The following PPP2R2C variants were observed in gnomAD, a reference collection of about 807,000 sequenced individuals.
PPP2R2C encodes protein phosphatase 2, regulatory subunit B, gamma.
In PPP2R2C, 10 loss-of-function variants were observed where a neutral mutation model predicts 45.3. That is an observed-to-expected ratio of 0.22 (90% confidence interval 0.14 to 0.37). The LOEUF (loss-of-function observed/expected upper bound fraction) is 0.37, where lower values mean the gene tolerates loss of function less well. Among genes scored for constraint, PPP2R2C ranks in the 10% least tolerant of loss-of-function variants. The pLI, the probability that PPP2R2C is intolerant of heterozygous loss-of-function variation, is 1.00. For synonymous variants in PPP2R2C, 257 were observed against 245.4 expected, an observed-to-expected ratio of 1.05 and a Z score of -0.44; for missense variants, 308 against 619.7, an observed-to-expected ratio of 0.50 and a Z score of 5.34.
At position 6,398,476 on chromosome 4, in the gene PPP2R2C, G is replaced by T. The variant is rs1717202188; in HGVS notation, c.71-17382C>A. Reference sequence around the variant, plus strand: ...AGACACTTCCCAAACCAAAATACAAGAATGGTCAGGAAGCACATGGCAAGG... The same window carrying T: ...AGACACTTCCCAAACCAAAATACAATAATGGTCAGGAAGCACATGGCAAGG... On this transcript the variant is annotated intron_variant, in intron 1 of 8. Coordinates refer to ENST00000382599, the MANE Select transcript of PPP2R2C (RefSeq NM_020416.4). Among the ~76,000 whole-genome samples the T allele has an allele frequency of 2.0e-5, 3 of 152,058 alleles. No individual in the cohort carries two copies. The South Asian group carries it at 6.2e-4, about 32-fold the overall frequency.
intron 2 of PPP2R2C, among the ~76,000 whole-genome samples, chr4:6,523,907 GT>G (rs1028807266): frequency 1.3e-5 from 2 of 151,812 alleles, no homozygotes; most frequent in Non-Finnish European, 2.9e-5. Flanking sequence ...ATGAAGTTTT[GT>G]TTTTGTTTTT....
At chr4:6,396,786 G>T (rs10804979) in intron 1 of PPP2R2C, among the ~76,000 whole-genome samples, 42,499 of 152,172 alleles carry the variant, frequency 0.28, 6,547 homozygotes, top group East Asian at 0.74. Context: ...CTGGGAGGGG[G>T]TAGAGAGAAG....
Position 6,552,767 on chromosome 4 carries a change from C to A in PPP2R2C, c.-59+10793G>T, listed in dbSNP as rs569137350. ...TTAGAATGTGGACATCTTTGGGGGG[C>A]ATTATTCTTTCCACTACACTCACAA... On this transcript the variant is annotated intron_variant, in intron 1 of 9. Transcript: ENST00000506140. Among the ~76,000 whole-genome samples the A allele has an allele frequency of 3.3e-5, 5 of 152,246 alleles. No individual in the cohort carries two copies. In the East Asian group the frequency reaches 9.7e-4, roughly 29 times the overall value.
chr4:6,486,730 CTT>C (rs1722541928), intron 2 of PPP2R2C, among the ~76,000 whole-genome samples: 1 of 151,918 alleles, frequency 6.6e-6, no homozygotes, highest in Admixed American at 6.6e-5. Context: ...ACTTTTAACT[CTT>C]GTCTTTATAT....
chr4:6,499,967 C>G (rs917606787), intron 2 of PPP2R2C, among the ~76,000 whole-genome samples: 4 of 152,104 alleles, frequency 2.6e-5, no homozygotes, highest in African/African-American at 9.7e-5. Flanking sequence ...TGATTAGACA[C>G]AGGAATTATT....
chr4:6,381,154 C>T (rs1255045708), intron 1 of PPP2R2C, 60 bp from the exon 2 acceptor site: 1 of 1,552,754 alleles, frequency 6.4e-7, no homozygotes, highest in Non-Finnish European at 8.7e-7. Context: ...CTCCCGGGTG[C>T]TCAACAGTGC....
chr4:6,559,480 C>T (rs1355283772), intron 1 of PPP2R2C, among the ~76,000 whole-genome samples: 1 of 151,910 alleles, frequency 6.6e-6, no homozygotes, highest in Non-Finnish European at 1.5e-5. Flanking sequence ...AAATTTGCAA[C>T]ACGCAGCATC....
intron 6 of PPP2R2C, among the ~76,000 whole-genome samples, chr4:6,341,229 C>T (rs1733418318): frequency 6.6e-6 from 1 of 151,724 alleles, no homozygotes; most frequent in Non-Finnish European, 1.5e-5. Context: ...ATCCCATCTA[C>T]TGAGGAGGCT....
intron 2 of PPP2R2C, among the ~76,000 whole-genome samples, chr4:6,508,077 A>G (rs762258347): frequency 6.6e-6 from 1 of 152,224 alleles, no homozygotes; most frequent in South Asian, 2.1e-4. Context: ...CCTAGGCTAC[A>G]TAGTAAGACC....
In PPP2R2C at chr4:6,378,073, A is replaced by G. The variant is rs1246191079; in HGVS notation, c.334+334T>C. ...CATCACACTCCCTCACCCCAAAGCA[A>G]AGGCCTACAAAGATGGCTCGGATGG... On this transcript the variant is annotated intron_variant, in intron 3 of 8. Transcript: ENST00000382599. This position sits in a 1 kb window ranked among gnomAD's most constrained non-coding sequence, Gnocchi z 5.2. 6.6e-6 allele frequency among the ~76,000 whole-genome samples: 1 copy of G among 152,012 alleles called. No individual in the cohort carries two copies. The highest frequency in any genetic ancestry group is 1.5e-5 in the Non-Finnish European group (1 of 68,000).
chr4:6,405,969 T>G lies in PPP2R2C; in HGVS notation c.71-24875A>C, dbSNP rs139041466. 9.8e-3 allele frequency among the ~76,000 whole-genome samples: 1,495 copies of G among 152,294 alleles called. 24 individuals are homozygous for G. The highest frequency in any genetic ancestry group is 0.033 in the African/African-American group (1,377 of 41,562). On this transcript the variant is annotated intron_variant, in intron 1 of 8. Coordinates refer to ENST00000382599, the MANE Select transcript of PPP2R2C (RefSeq NM_020416.4). ...CAGGGGGGTCTCTTTTTCCCTTCAC[T>G]TACCTATTATCAGTCTCATTAATAA...
chr4:6,394,669 A>ATGCG (rs1160126461), intron 1 of PPP2R2C, among the ~76,000 whole-genome samples: 1 of 152,212 alleles, frequency 6.6e-6, no homozygotes, highest in Non-Finnish European at 1.5e-5. Context: ...CCTGACACTG[A>ATGCG]TGCGGACCTA....
intron 2 of PPP2R2C, among the ~76,000 whole-genome samples, chr4:6,500,921 C>T (rs1401906410): frequency 1.3e-5 from 2 of 152,196 alleles, no homozygotes; most frequent in Non-Finnish European, 2.9e-5. Flanking sequence ...GCTGCGAAGC[C>T]GTCGCACGGC....
intron 5 of PPP2R2C, among the ~76,000 whole-genome samples, chr4:6,361,458 C>A (rs946466312): frequency 1.3e-5 from 2 of 152,236 alleles, no homozygotes; most frequent in Non-Finnish European, 1.5e-5. Flanking sequence ...GAAAACTCAG[C>A]CTTTCTGTGC....
intron 1 of PPP2R2C, chr4:6,381,905 T>C: frequency 6.3e-7 from 1 of 1,590,870 alleles, no homozygotes; most frequent in South Asian, 1.2e-5. Context: ...ATCACCAACA[T>C]TCTCAGGTTC....
chr4:6,370,837 G>T (rs16838648), intron 5 of PPP2R2C, among the ~76,000 whole-genome samples: 1 of 152,068 alleles, frequency 6.6e-6, no homozygotes, highest in Non-Finnish European at 1.5e-5. Flanking sequence ...ATGTCCTTTC[G>T]GCTTCAGTGG....
At chr4:6,403,365 G>C (rs73798227) in intron 1 of PPP2R2C, among the ~76,000 whole-genome samples, 269 of 152,232 alleles carry the variant, frequency 1.8e-3, no homozygotes, top group African/African-American at 6.3e-3. Flanking sequence ...CTTCCTCCTC[G>C]CTTCCTGCCC....
intron 1 of PPP2R2C, among the ~76,000 whole-genome samples, chr4:6,447,100 T>A (rs1463900279): frequency 6.6e-6 from 1 of 151,766 alleles, no homozygotes; most frequent in African/African-American, 2.4e-5. Flanking sequence ...AAAGAGACCA[T>A]GGGAAGGACC....
intron 2 of PPP2R2C, among the ~76,000 whole-genome samples, chr4:6,514,078 A>G (rs756989634): frequency 2.6e-5 from 4 of 152,200 alleles, no homozygotes; most frequent in African/African-American, 4.8e-5. Context: ...CACCGAATTC[A>G]TTTTATGTAA....
Sources: gnomAD v4.1 joint callset for allele counts (sites outside exome capture counted in the v4.1 genomes callset) on GRCh38, gnomAD v4.1.1 for gene constraint, Gnocchi (gnomAD v3.1) non-coding constraint, MANE v1.5 for transcripts, NCBI Gene and HGNC (gene_info 2026-07-23, HGNC 2026-07-21) for gene names.